The following ZNF536 variants were observed in gnomAD, a reference collection of about 807,000 sequenced individuals.
The protein encoded by ZNF536 is zinc finger protein 536.
ZNF536 carries 13 observed loss-of-function variants against 84.5 expected under a neutral mutation model. The ratio of observed to expected loss-of-function variants is 0.15; its 90% CI spans 0.10 to 0.24. The LOEUF (loss-of-function observed/expected upper bound fraction) is 0.24. Among genes scored for constraint, ZNF536 ranks in the 10% least tolerant of loss-of-function variants. The probability of loss-of-function intolerance (pLI) is 1.00; values close to 1 mark genes in which losing one functional copy is unlikely to be tolerated. For synonymous variants in ZNF536, 811 were observed against 742.5 expected, an observed-to-expected ratio of 1.09 and a Z score of -1.50; for missense variants, 1,536 against 1,747.5, an observed-to-expected ratio of 0.88 and a Z score of 2.16.
chr19:30,331,292 T>TA lies in ZNF536; in HGVS notation c.-119-21047dup, dbSNP rs11324495. ...GGGAACAGAGTAAGACCCTGTATCTTAAAAAAAAAAAAAAAAAAAAAAAAA... is the reference window on the plus strand; with the variant it reads ...GGGAACAGAGTAAGACCCTGTATCTTAAAAAAAAAAAAAAAAAAAAAAAAAA... On this transcript the variant is annotated intron_variant, in intron 2 of 5. Transcript: ENST00000585628. 8.4e-3 allele frequency among the ~76,000 whole-genome samples: 350 copies of TA among 41,734 alleles called. 37 individuals carry two copies. The highest frequency in any genetic ancestry group is 0.038 in the East Asian group (39 of 1,018). The allele number at this position is 41,734 out of a possible 152,430, so 27.4% of individuals were successfully genotyped here.
chr19:30,635,067 GGTGTGTGTGT>G (rs10693532), intron 1 of ZNF536, among the ~76,000 whole-genome samples: 1 of 150,174 alleles, frequency 6.7e-6, no homozygotes, highest in African/African-American at 2.4e-5. Context: ...AAGAAAGCTG[GGTGTGTGTGT>G]GTGTGTGTGT....
chr19:30,304,488 C>T (rs1462221660), intron 2 of ZNF536, among the ~76,000 whole-genome samples: 2 of 152,216 alleles, frequency 1.3e-5, no homozygotes, highest in African/African-American at 4.8e-5. Flanking sequence ...CAACTTCCTG[C>T]CCAGCTCCTG....
At chr19:30,686,322 G>T (rs376362746) in intron 1 of ZNF536, among the ~76,000 whole-genome samples, 1 of 151,736 alleles carries the variant, frequency 6.6e-6, no homozygotes, top group East Asian at 1.9e-4. Flanking sequence ...TTTCCTGAAG[G>T]TGGCAGTGAA....
chr19:30,391,769 C>T (rs1013816926), intron 1 of ZNF536, among the ~76,000 whole-genome samples: 3 of 152,164 alleles, frequency 2.0e-5, no homozygotes, highest in African/African-American at 7.2e-5. Context: ...CACTGACAAA[C>T]AGCATCTTCC....
chr19:30,631,554 G>GGA (rs2048890296), intron 1 of ZNF536, among the ~76,000 whole-genome samples: 1 of 152,200 alleles, frequency 6.6e-6, no homozygotes. Context: ...CTGCCGTAAA[G>GGA]GAGAAATGCT....
chr19:30,430,268 A>G lies in ZNF536; in HGVS notation c.-2-13293A>G, dbSNP rs562675510. Among the ~76,000 whole-genome samples, 3 of 152,270 alleles carry G rather than the reference A, an allele frequency of 2.0e-5. No homozygotes were observed. The East Asian group carries it at 5.8e-4, about 29-fold the overall frequency. On this transcript the variant is annotated intron_variant, in intron 1 of 4. Transcript: ENST00000355537. Reference sequence around the variant, plus strand: ...AGGCCTGCAACTTGTTCATTCATTCATCCATTCATTCATTTGTTCCCTCAT... The same window carrying G: ...AGGCCTGCAACTTGTTCATTCATTCGTCCATTCATTCATTTGTTCCCTCAT...
chr19:30,399,507 T>C (rs528296926), intron 1 of ZNF536, among the ~76,000 whole-genome samples: 2 of 152,278 alleles, frequency 1.3e-5, no homozygotes, highest in Non-Finnish European at 2.9e-5. Context: ...ATGTCCTGAA[T>C]GGTATTGCCT....
chr19:30,582,235 C>G (rs2046944666), intron 1 of ZNF536, among the ~76,000 whole-genome samples: 1 of 152,098 alleles, frequency 6.6e-6, no homozygotes, highest in Non-Finnish European at 1.5e-5. Context: ...AGGGAGGAGG[C>G]CGAAGCTCTA....
intron 1 of ZNF536, among the ~76,000 whole-genome samples, chr19:30,232,561 G>T (rs370258794): frequency 6.6e-6 from 1 of 152,044 alleles, no homozygotes; most frequent in Non-Finnish European, 1.5e-5. Flanking sequence ...GCGTTAATTC[G>T]CTTAGGATAA....
intron 1 of ZNF536, among the ~76,000 whole-genome samples, chr19:30,633,918 A>T (rs1389729175): frequency 1.3e-5 from 2 of 152,092 alleles, no homozygotes; most frequent in African/African-American, 4.8e-5. Context: ...AATTTTAAAG[A>T]TGTCATCTTT....
chr19:30,477,210 A>G (rs1262914001), intron 2 of ZNF536, among the ~76,000 whole-genome samples: 3 of 152,092 alleles, frequency 2.0e-5, no homozygotes, highest in Non-Finnish European at 4.4e-5. Flanking sequence ...ACCCTTATGT[A>G]TTTAACTATT....
At position 30,516,638 on chromosome 19, in the gene ZNF536, T is replaced by A. The variant is rs535670012; in HGVS notation, c.2171-18209T>A. On this transcript the variant is annotated intron_variant, in intron 2 of 4. Coordinates refer to ENST00000355537, the MANE Select transcript of ZNF536 (RefSeq NM_014717.3). ...GGGCCAGCCCTTCGCTCGGCTCTGT[T>A]GATGATTACGAGACAGGCAAACCCA... is the stretch of plus-strand genomic sequence containing the variant. Among the ~76,000 whole-genome samples, 5 of 152,260 alleles carry A rather than the reference T, an allele frequency of 3.3e-5. No homozygotes were observed. In the East Asian group the frequency reaches 7.7e-4, roughly 24 times the overall value.
chr19:30,470,363 A>G (rs1002895203), intron 2 of ZNF536, among the ~76,000 whole-genome samples: 1 of 152,204 alleles, frequency 6.6e-6, no homozygotes, highest in Non-Finnish European at 1.5e-5. Context: ...ACATGAAGCA[A>G]TGTTGATGTT....
chr19:30,225,719 G>T (rs867380225), upstream of ZNF536, among the ~76,000 whole-genome samples: 60 of 143,728 alleles, frequency 4.2e-4, no homozygotes, highest in African/African-American at 1.5e-3. Flanking sequence ...GGCGCGGTGC[G>T]GGGGGCGCGG....
At chr19:30,399,647 G>T (rs1220299794) in intron 1 of ZNF536, among the ~76,000 whole-genome samples, 1 of 147,132 alleles carries the variant, frequency 6.8e-6, no homozygotes, top group Non-Finnish European at 1.5e-5. Context: ...TAGCTAGCCA[G>T]TTTTCCCAAC....
At chr19:30,408,777 C>T (rs1189847713) in intron 1 of ZNF536, among the ~76,000 whole-genome samples, 3 of 152,046 alleles carry the variant, frequency 2.0e-5, no homozygotes, top group South Asian at 4.2e-4. Context: ...ATCCTTCCAT[C>T]TATTCATACA....
chr19:30,637,583 G>A (rs972847239), intron 1 of ZNF536, among the ~76,000 whole-genome samples: 53 of 152,210 alleles, frequency 3.5e-4, no homozygotes, highest in African/African-American at 1.2e-3. Context: ...CATCCTTTAC[G>A]CTTTGTGGTC....
intron 1 of ZNF536, among the ~76,000 whole-genome samples, chr19:30,258,874 C>T (rs969130061): frequency 1.2e-4 from 18 of 151,866 alleles, no homozygotes; most frequent in Non-Finnish European, 1.8e-4. Context: ...TGCACCACCA[C>T]GCCTGGCTAA....
At chr19:30,609,281 G>A (rs1015154374) in intron 1 of ZNF536, among the ~76,000 whole-genome samples, 8 of 152,060 alleles carry the variant, frequency 5.3e-5, no homozygotes, top group Non-Finnish European at 8.8e-5. Context: ...ATGGAAACAG[G>A]GTCAAATATA....
Sources: allele counts gnomAD v4.1 joint callset (sites outside exome capture counted in the v4.1 genomes callset), GRCh38; gene constraint gnomAD v4.1.1; transcripts MANE v1.5; gene names NCBI Gene and HGNC (gene_info 2026-07-23, HGNC 2026-07-21).